The following CPNE8 variants were observed in gnomAD, a reference collection of about 807,000 sequenced individuals.
CPNE8 encodes the protein copine-8.
In CPNE8, 45 loss-of-function variants were observed where a neutral mutation model predicts 81.5. The ratio of observed to expected loss-of-function variants is 0.55; its 90% CI spans 0.44 to 0.71. The LOEUF is 0.71. CPNE8 is among the 30% of genes least tolerant of loss of function. The probability of loss-of-function intolerance (pLI) is 0.00; values close to 1 mark genes in which losing one functional copy is unlikely to be tolerated. For synonymous variants in CPNE8, 252 were observed against 226.3 expected (o/e 1.11, Z -1.02); for missense variants, 594 against 672.1 (o/e 0.88, Z 1.28).
At chr12:38,807,449 A>G (rs959230343) in intron 6 of CPNE8, among the ~76,000 whole-genome samples, 1 of 151,952 alleles carries the variant, frequency 6.6e-6, no homozygotes, top group Non-Finnish European at 1.5e-5. Context: ...ATAACACTGC[A>G]TGTCTACAAC....
Position 38,652,878 on chromosome 12 carries a change from A to C in CPNE8, c.*1004T>G, listed in dbSNP as rs1190467913. 6.6e-6 allele frequency: 1 copy of C among 152,650 alleles called. No homozygotes were observed. The highest frequency in any genetic ancestry group is 6.5e-5 in the Admixed American group (1 of 15,280). 9.5% of individuals were successfully genotyped at this position (152,650 alleles called of 1,614,324 possible). A position where few individuals can be genotyped will look rare whatever the true frequency, so the allele number is the denominator to read the frequency against. ...TATATTTAACTGGGAATTTCACAAAAGACTTCCAGCCTGTGCACCTTGTGT... is the reference window on the plus strand; with the variant it reads ...TATATTTAACTGGGAATTTCACAAACGACTTCCAGCCTGTGCACCTTGTGT... On this transcript the variant is annotated 3_prime_UTR_variant, in exon 20 of 20. Coordinates refer to ENST00000331366, the MANE Select transcript of CPNE8 (RefSeq NM_153634.3).
intron 15 of CPNE8, among the ~76,000 whole-genome samples, chr12:38,692,909 TA>T (rs1375580155): frequency 1.3e-5 from 2 of 152,166 alleles, no homozygotes; most frequent in African/African-American, 4.8e-5. Flanking sequence ...GAATATGATA[TA>T]AACATCCTTG....
intron 6 of CPNE8, 137 bp from the exon 7 acceptor site, chr12:38,776,438 A>G (rs1357037873): frequency 4.0e-6 from 1 of 249,828 alleles, no homozygotes; most frequent in African/African-American, 2.3e-5. Flanking sequence ...CCTAACAAAT[A>G]TATTTTGAGT....
intron 14 of CPNE8, 52 bp downstream of exon 14, chr12:38,702,823 T>C: frequency 9.2e-7 from 1 of 1,084,856 alleles, no homozygotes; most frequent in Admixed American, 2.3e-5. Context: ...TATAAATTTA[T>C]TTTTCATGTA....
chr12:38,727,442 G>A (rs1940729719), intron 11 of CPNE8, among the ~76,000 whole-genome samples: 1 of 151,946 alleles, frequency 6.6e-6, no homozygotes, highest in Non-Finnish European at 1.5e-5. Context: ...ACACCACACT[G>A]TACACCATTA....
intron 5 of CPNE8, 28 bp from the exon 6 acceptor site, chr12:38,829,483 A>G: frequency 1.3e-6 from 2 of 1,491,224 alleles, no homozygotes; most frequent in Non-Finnish European, 1.9e-6. Context: ...ATTAAAGCTC[A>G]TAAGTTTCCA....
rs760054852 is a variant in CPNE8, at chr12:38,724,847, G to A, written c.851C>T (p.Thr284Ile). ...GKKKKYTNSGTVTLLSFLVET... is the reference protein window; with the variant it reads ...GKKKKYTNSGIVTLLSFLVET... The stretch of plus-strand genomic sequence containing the variant: ...TAAATAACATAAAATTTGACTTACT[G>A]TTCCAGAATTAGTATATTTTTTCTT... The change falls in exon 12 of 20, where the codon ACA becomes ATA. Residue 284 changes from threonine to isoleucine, a missense_variant and splice_region_variant. Coordinates refer to ENST00000331366, the MANE Select transcript of CPNE8 (RefSeq NM_153634.3). 1 of 1,461,994 alleles carries A rather than the reference G, an allele frequency of 6.8e-7. No homozygotes were observed. Among genetic ancestry groups the A allele is most frequent in the Non-Finnish European group, 9.5e-7 (1 of 1,051,802 alleles). 90.6% of individuals were successfully genotyped at this position (1,461,994 alleles called of 1,614,324 possible).
At position 38,653,697 on chromosome 12, in the gene CPNE8, T is replaced by C; in HGVS notation, c.*185A>G. ...TTTAAACAATTTTTTCTGTTGCTCATGCAACAACCATATTTACAGTTTTGG... is the reference window on the plus strand; with the variant it reads ...TTTAAACAATTTTTTCTGTTGCTCACGCAACAACCATATTTACAGTTTTGG... On this transcript the variant is annotated 3_prime_UTR_variant, in exon 20 of 20. Transcript: ENST00000331366. 1 of 767,286 alleles carries C rather than the reference T, an allele frequency of 1.3e-6. No individual in the cohort carries two copies. The highest frequency in any genetic ancestry group is 1.8e-6 in the Non-Finnish European group (1 of 547,308). The allele number at this position is 767,286 out of a possible 1,614,324, so 47.5% of individuals were successfully genotyped here. A position where few individuals can be genotyped will look rare whatever the true frequency, so the allele number is the denominator to read the frequency against.
chr12:38,792,030 G>A (rs1477765147), intron 6 of CPNE8, among the ~76,000 whole-genome samples: 2 of 148,846 alleles, frequency 1.3e-5, no homozygotes, highest in Admixed American at 1.3e-4. Context: ...AAAAACTTGA[G>A]ACAAATGAAA....
rs1266920326 is a variant in CPNE8, at chr12:38,872,993, T to C, written c.186+11A>G. The C allele has an allele frequency of 6.8e-7, 1 of 1,477,206 alleles. No homozygotes were observed. Among genetic ancestry groups the C allele is most frequent in the African/African-American group, 1.4e-5 (1 of 71,484 alleles). 91.5% of individuals were successfully genotyped at this position (1,477,206 alleles called of 1,614,324 possible). A position where few individuals can be genotyped will look rare whatever the true frequency, so the allele number is the denominator to read the frequency against. On this transcript the variant is annotated intron_variant, in intron 3 of 19. Coordinates refer to ENST00000331366, the MANE Select transcript of CPNE8 (RefSeq NM_153634.3). ...AGCCCAGTGATTTTTTTAAAAAAGT[T>C]TTAAACTTACCTCTCTCCATTCTTT...
At chr12:38,872,057 C>T (rs988716744) in intron 3 of CPNE8, among the ~76,000 whole-genome samples, 5 of 152,082 alleles carry the variant, frequency 3.3e-5, no homozygotes, top group African/African-American at 1.2e-4. Flanking sequence ...ATCGCTTGAA[C>T]CTGGAAGGCA....
At chr12:38,740,201 T>C (rs1300621179) in intron 10 of CPNE8, among the ~76,000 whole-genome samples, 1 of 152,186 alleles carries the variant, frequency 6.6e-6, no homozygotes, top group Non-Finnish European at 1.5e-5. Flanking sequence ...TCTCTGTTTG[T>C]CTGTTATTGG....
At chr12:38,732,950 T>C (rs989757937) in intron 10 of CPNE8, among the ~76,000 whole-genome samples, 1 of 152,022 alleles carries the variant, frequency 6.6e-6, no homozygotes, top group Admixed American at 6.6e-5. Flanking sequence ...AGAAAGTATG[T>C]TGATCACATA....
chr12:38,741,214 G>A (rs573605474), intron 10 of CPNE8, among the ~76,000 whole-genome samples: 17 of 152,200 alleles, frequency 1.1e-4, no homozygotes, highest in Middle Eastern at 3.4e-3. Context: ...AAAAGAGCCC[G>A]CATTCCCAAG....
intron 5 of CPNE8, among the ~76,000 whole-genome samples, chr12:38,832,706 T>C (rs888582436): frequency 5.3e-5 from 8 of 152,130 alleles, no homozygotes; most frequent in Admixed American, 3.9e-4. Context: ...AATGTTTGTA[T>C]TTTTAGTAGA....
chr12:38,806,532 C>T (rs554350658), intron 6 of CPNE8, among the ~76,000 whole-genome samples: 1 of 149,902 alleles, frequency 6.7e-6, no homozygotes, highest in African/African-American at 2.4e-5. Flanking sequence ...TGCAGAAAAG[C>T]CCTTTGACAA....
chr12:38,776,907 T>C (rs1014903760), intron 6 of CPNE8, among the ~76,000 whole-genome samples: 2 of 152,096 alleles, frequency 1.3e-5, no homozygotes, highest in East Asian at 1.9e-4. Context: ...TCATACAAAG[T>C]ATGTATGTAC....
At position 38,728,249 on chromosome 12, in the gene CPNE8, G is replaced by A. The variant is rs1040754946; in HGVS notation, c.798+2034C>T. Among the ~76,000 whole-genome samples the A allele has an allele frequency of 6.6e-5, 10 of 152,112 alleles. 1 individual carries two copies. Among genetic ancestry groups the A allele is most frequent in the African/African-American group, 2.2e-4 (9 of 41,424 alleles). ...AAAGAAGTCGACAGAAATTGTCCCT[G>A]GGGACTTGCAGATATGGGATTTATT... On this transcript the variant is annotated intron_variant, in intron 11 of 19. Transcript: ENST00000331366.
At chr12:38,663,260 CAAAACAAAAAACAAAAACAA>C (rs942104245) in intron 19 of CPNE8, among the ~76,000 whole-genome samples, 3 of 151,210 alleles carry the variant, frequency 2.0e-5, no homozygotes, top group Admixed American at 6.6e-5. Context: ...CAAACAATAG[CAAAACAAAAAACAAAAACAA>C]AAAACAAAAA....
Sources: allele counts gnomAD v4.1 joint callset (sites outside exome capture counted in the v4.1 genomes callset), GRCh38; gene constraint gnomAD v4.1.1; transcripts MANE v1.5; gene names NCBI Gene and HGNC (gene_info 2026-07-23, HGNC 2026-07-21).